The following UNC5D variants were observed in gnomAD, a reference collection of about 807,000 sequenced individuals.
UNC5D encodes unc-5 netrin receptor D, also known as netrin receptor UNC5D.
In UNC5D, 39 loss-of-function variants were observed where a neutral mutation model predicts 105.4. That is an observed-to-expected ratio of 0.37 (90% confidence interval 0.29 to 0.48). The LOEUF (loss-of-function observed/expected upper bound fraction) is 0.48, where lower values mean the gene tolerates loss of function less well. UNC5D is among the 20% of genes least tolerant of loss of function. UNC5D has a pLI of 0.98. For synonymous variants in UNC5D, 452 were observed against 450.4 expected (o/e 1.00, Z -0.04); for missense variants, 991 against 1,202.4 (o/e 0.82, Z 2.60).
At chr8:35,310,436 A>G (rs1432334374) in intron 1 of UNC5D, among the ~76,000 whole-genome samples, 1 of 152,088 alleles carries the variant, frequency 6.6e-6, no homozygotes, top group Non-Finnish European at 1.5e-5. Flanking sequence ...CCTGGCCAAC[A>G]TGGCGAAACC....
At chr8:35,717,929 T>G (rs1375127227) in intron 8 of UNC5D, among the ~76,000 whole-genome samples, 3 of 152,190 alleles carry the variant, frequency 2.0e-5, no homozygotes, top group African/African-American at 7.2e-5. Flanking sequence ...CCACAAACAT[T>G]TCCTCTCCAG....
intron 4 of UNC5D, among the ~76,000 whole-genome samples, chr8:35,676,135 AGAAT>A (rs1284762307): frequency 6.6e-6 from 1 of 152,170 alleles, no homozygotes; most frequent in Admixed American, 6.5e-5. Flanking sequence ...CCAGCTAACC[AGAAT>A]GACTGATCAG....
intron 1 of UNC5D, among the ~76,000 whole-genome samples, chr8:35,438,811 A>G (rs1807201854): frequency 6.6e-6 from 1 of 152,080 alleles, no homozygotes; most frequent in Non-Finnish European, 1.5e-5. Context: ...TAGGATATCA[A>G]CTTATCCAAG....
intron 1 of UNC5D, among the ~76,000 whole-genome samples, chr8:35,467,647 A>G (rs1809407176): frequency 6.6e-6 from 1 of 151,410 alleles, no homozygotes. Flanking sequence ...CCAAATATTT[A>G]AAGAACTTTC....
chr8:35,745,270 C>T (rs1436507086), intron 11 of UNC5D, among the ~76,000 whole-genome samples: 6 of 152,236 alleles, frequency 3.9e-5, no homozygotes, highest in Admixed American at 3.3e-4. Context: ...TAAGCAAGAA[C>T]CTGACAGGCA....
chr8:35,521,516 G>T (rs931748544), intron 1 of UNC5D, among the ~76,000 whole-genome samples: 87 of 152,254 alleles, frequency 5.7e-4, no homozygotes, highest in African/African-American at 2.0e-3. Context: ...AACATAGAAA[G>T]ATAATTGATT....
At chr8:35,354,279 G>A (rs1460754918) in intron 1 of UNC5D, among the ~76,000 whole-genome samples, 1 of 151,772 alleles carries the variant, frequency 6.6e-6, no homozygotes, top group Non-Finnish European at 1.5e-5. Flanking sequence ...CCCCTCTCTT[G>A]CTTTGTTCTT....
In UNC5D at chr8:35,512,565, A is replaced by ATC. The variant is rs1463917329; in HGVS notation, c.104-36726_104-36725insCT. ...TATATATATATATATATATATATAT[A>ATC]TATATCTGAATAGATTACTAAATGG... On this transcript the variant is annotated intron_variant, in intron 1 of 16. Coordinates refer to ENST00000404895, the MANE Select transcript of UNC5D (RefSeq NM_080872.4). 1.6e-4 allele frequency among the ~76,000 whole-genome samples: 15 copies of ATC among 95,402 alleles called. 1 individual carries two copies. Among genetic ancestry groups the ATC allele is most frequent in the African/African-American group, 2.4e-4 (5 of 20,598 alleles). The allele number at this position is 95,402 out of a possible 152,430, so 62.6% of individuals were successfully genotyped here. A position where few individuals can be genotyped will look rare whatever the true frequency, so the allele number is the denominator to read the frequency against.
At chr8:35,722,477 C>T (rs1358801788) in intron 9 of UNC5D, 82 bp downstream of exon 9, 1 of 1,506,964 alleles carries the variant, frequency 6.6e-7, no homozygotes, top group African/African-American at 1.4e-5. Context: ...CTCCTGGGCC[C>T]TGTGTGAAGG....
intron 1 of UNC5D, among the ~76,000 whole-genome samples, chr8:35,499,382 G>C (rs548172276): frequency 1.3e-5 from 2 of 152,186 alleles, no homozygotes; most frequent in East Asian, 3.9e-4. Context: ...CTCCCTCTTG[G>C]TTGTTTATTT....
rs576518061 is a variant in UNC5D at position 35,282,771 on chromosome 8, A to G, written c.103+46884A>G. Among the ~76,000 whole-genome samples, 336 of 151,266 alleles carry G rather than the reference A, an allele frequency of 2.2e-3. 2 individuals carry two copies. The highest frequency in any genetic ancestry group is 7.9e-3 in the African/African-American group (326 of 41,340). ...TCTTTCCTTTCCTTCTTGTTATCCC[A>G]TCCTGGAATAATAATATTCATCAGC... is the stretch of plus-strand genomic sequence containing the variant. On this transcript the variant is annotated intron_variant, in intron 1 of 16. Coordinates refer to ENST00000404895, the MANE Select transcript of UNC5D (RefSeq NM_080872.4).
intron 16 of UNC5D, among the ~76,000 whole-genome samples, chr8:35,789,178 T>TATATATATATATATATAC (rs1802908372): frequency 1.0e-5 from 1 of 97,936 alleles, no homozygotes; most frequent in Non-Finnish European, 2.0e-5. Flanking sequence ...TATATATATA[T>TATATATATATATATATAC]ATATATATAT....
chr8:35,538,440 T>TATATAG (rs1815030870), intron 1 of UNC5D, among the ~76,000 whole-genome samples: 1 of 123,186 alleles, frequency 8.1e-6, no homozygotes, highest in African/African-American at 3.0e-5. Flanking sequence ...TATATATATA[T>TATATAG]GAATTTTATT....
intron 8 of UNC5D, chr8:35,721,470 G>A (rs2131533044): frequency 1.4e-6 from 1 of 702,900 alleles, no homozygotes; most frequent in Non-Finnish European, 2.6e-6. Context: ...AGTAGGAGAG[G>A]TATGGGAGAA....
At chr8:35,282,806 G>A (rs1563277604) in intron 1 of UNC5D, among the ~76,000 whole-genome samples, 2 of 151,428 alleles carry the variant, frequency 1.3e-5, no homozygotes, top group Non-Finnish European at 2.9e-5. Context: ...CTAACGGAAA[G>A]TCAGCTACTT....
At chr8:35,318,554 G>C (rs1438618862) in intron 1 of UNC5D, among the ~76,000 whole-genome samples, 1 of 151,990 alleles carries the variant, frequency 6.6e-6, no homozygotes, top group Non-Finnish European at 1.5e-5. Context: ...ATTTTTTAGG[G>C]TTGTTTTAGG....
At chr8:35,506,511 G>T (rs1261735114) in intron 1 of UNC5D, among the ~76,000 whole-genome samples, 2 of 152,206 alleles carry the variant, frequency 1.3e-5, no homozygotes, top group Non-Finnish European at 2.9e-5. Context: ...TTCACTAGAG[G>T]ACCAGGTATA....
At chr8:35,315,191 T>C (rs1179700335) in intron 1 of UNC5D, among the ~76,000 whole-genome samples, 1 of 152,180 alleles carries the variant, frequency 6.6e-6, no homozygotes, top group Non-Finnish European at 1.5e-5. Flanking sequence ...ACTCATTCAA[T>C]TGTATTATAT....
chr8:35,249,118 T>C (rs1803501300), intron 1 of UNC5D, among the ~76,000 whole-genome samples: 1 of 131,106 alleles, frequency 7.6e-6, no homozygotes. Context: ...ATATATTATA[T>C]ATATAAAATT....
Sources: allele counts gnomAD v4.1 joint callset (sites outside exome capture counted in the v4.1 genomes callset), GRCh38; gene constraint gnomAD v4.1.1; transcripts MANE v1.5; gene names NCBI Gene and HGNC (gene_info 2026-07-23, HGNC 2026-07-21).